The following CNTNAP2 variants were observed in gnomAD, a reference collection of about 807,000 sequenced individuals.
CNTNAP2 encodes contactin associated protein 2, also known as contactin-associated protein-like 2.
CNTNAP2 carries 98 observed loss-of-function variants against 155.2 expected under a neutral mutation model. The ratio of observed to expected loss-of-function variants is 0.63; its 90% CI spans 0.54 to 0.75. CNTNAP2 has a LOEUF of 0.75. CNTNAP2 is among the 30% of genes least tolerant of loss of function. The pLI is 0.00. For synonymous variants in CNTNAP2, 651 were observed against 631.2 expected (o/e 1.03, Z -0.47); for missense variants, 1,727 against 1,688.1 (o/e 1.02, Z -0.40).
intron 20 of CNTNAP2, among the ~76,000 whole-genome samples, chr7:148,257,577 G>T (rs967358208): frequency 6.6e-6 from 1 of 152,140 alleles, no homozygotes; most frequent in African/African-American, 2.4e-5. Flanking sequence ...AGGGATGGCC[G>T]CAGGGCTTGG....
chr7:146,919,418 G>A (rs553233430), intron 3 of CNTNAP2, among the ~76,000 whole-genome samples: 2 of 152,248 alleles, frequency 1.3e-5, no homozygotes, highest in South Asian at 4.1e-4. Flanking sequence ...TAGGGATGGG[G>A]CTTCCTGAGA....
chr7:147,642,951 A>G (rs1423339827), intron 13 of CNTNAP2, among the ~76,000 whole-genome samples: 2 of 152,136 alleles, frequency 1.3e-5, no homozygotes, highest in Admixed American at 1.3e-4. Flanking sequence ...ACCTCACCCA[A>G]CCTTGGGGCA....
In CNTNAP2 at chr7:147,507,491, G is replaced by T. The variant is rs1176301088; in HGVS notation, c.1777+21450G>T. Among the ~76,000 whole-genome samples, 3 of 148,072 alleles carry T rather than the reference G, an allele frequency of 2.0e-5. No homozygotes were observed. The East Asian group carries it at 6.1e-4, about 30-fold the overall frequency. ...TCAGTTACTTCTATATTGGCAAATT[G>T]ATGTTAACTTATATAAATGGGACAT... On this transcript the variant is annotated intron_variant, in intron 11 of 23. Transcript: ENST00000361727.
chr7:146,765,112 T>G (rs1307418774), intron 1 of CNTNAP2, among the ~76,000 whole-genome samples: 3 of 152,124 alleles, frequency 2.0e-5, no homozygotes, highest in Non-Finnish European at 2.9e-5. Context: ...TTTTTAAGAC[T>G]AAAAGTAGAT....
chr7:147,110,686 G>A (rs1467973862), intron 5 of CNTNAP2, among the ~76,000 whole-genome samples: 1 of 152,084 alleles, frequency 6.6e-6, no homozygotes, highest in Non-Finnish European at 1.5e-5. Flanking sequence ...CCATCCATGT[G>A]CCCGCAAAGG....
At chr7:147,237,087 A>G (rs1473179573) in intron 8 of CNTNAP2, among the ~76,000 whole-genome samples, 1 of 28,360 alleles carries the variant, frequency 3.5e-5, no homozygotes, top group Non-Finnish European at 8.4e-5. Context: ...TTTTTTTTTG[A>G]CAGTGTCTTG....
chr7:147,854,055 G>T (rs1798995876), intron 13 of CNTNAP2, among the ~76,000 whole-genome samples: 1 of 152,162 alleles, frequency 6.6e-6, no homozygotes, highest in African/African-American at 2.4e-5. Flanking sequence ...TAGATCAGTT[G>T]TACACACTGT....
rs139230227 is a variant in CNTNAP2 at position 146,565,420 on chromosome 7, T to A, written c.98-208851T>A. ...TTGTTAATGTTAAATAACAGATCCC[T>A]TTCCAGGGATCCTTTCCAGGGATCC... On this transcript the variant is annotated intron_variant, in intron 1 of 23. Coordinates refer to ENST00000361727, the MANE Select transcript of CNTNAP2 (RefSeq NM_014141.6). 4.6e-3 allele frequency among the ~76,000 whole-genome samples: 700 copies of A among 151,928 alleles called. 5 individuals are homozygous for A. The highest frequency in any genetic ancestry group is 0.016 in the African/African-American group (653 of 41,538).
chr7:146,612,900 A>T (rs1177063979), intron 1 of CNTNAP2, among the ~76,000 whole-genome samples: 1 of 147,640 alleles, frequency 6.8e-6, no homozygotes, highest in African/African-American at 2.5e-5. Flanking sequence ...TCTTAGGACC[A>T]CTTTGTTTCA....
At chr7:148,288,942 A>G (rs903580366) in intron 21 of CNTNAP2, among the ~76,000 whole-genome samples, 1 of 62,822 alleles carries the variant, frequency 1.6e-5, no homozygotes, top group African/African-American at 7.4e-5. Context: ...TATCTTATTC[A>G]GCAAAAAAAA....
chr7:147,178,387 A>T (rs572188747), intron 8 of CNTNAP2, among the ~76,000 whole-genome samples: 1 of 152,178 alleles, frequency 6.6e-6, no homozygotes, highest in Non-Finnish European at 1.5e-5. Context: ...AAAGGCAAGG[A>T]AACAGTTTCT....
intron 13 of CNTNAP2, among the ~76,000 whole-genome samples, chr7:147,695,447 C>A (rs1179185545): frequency 6.6e-6 from 1 of 152,148 alleles, no homozygotes; most frequent in East Asian, 1.9e-4. Context: ...AAGTTGCCAA[C>A]TATAACAGTG....
intron 8 of CNTNAP2, among the ~76,000 whole-genome samples, chr7:147,174,253 TTG>T (rs539612348): frequency 1.5e-4 from 23 of 152,270 alleles, no homozygotes; most frequent in Non-Finnish European, 3.1e-4. Context: ...ACATATGTAA[TTG>T]TCTTTTCCCA....
At chr7:147,917,668 C>T (rs1334950065) in intron 14 of CNTNAP2, among the ~76,000 whole-genome samples, 1 of 152,146 alleles carries the variant, frequency 6.6e-6, no homozygotes, top group Non-Finnish European at 1.5e-5. Flanking sequence ...ATGAATATGC[C>T]TTCCTAAAAA....
At chr7:148,155,823 C>T (rs965534513) in intron 17 of CNTNAP2, among the ~76,000 whole-genome samples, 1 of 152,180 alleles carries the variant, frequency 6.6e-6, no homozygotes. Context: ...AGTTCAGGCC[C>T]TCTTGGTCAG....
intron 1 of CNTNAP2, among the ~76,000 whole-genome samples, chr7:146,679,502 C>A (rs1314555868): frequency 6.6e-6 from 1 of 151,954 alleles, no homozygotes; most frequent in East Asian, 1.9e-4. Context: ...ATTACAGGCG[C>A]CCGCCAACAC....
intron 13 of CNTNAP2, among the ~76,000 whole-genome samples, chr7:147,892,736 G>A (rs1352204618): frequency 6.6e-6 from 1 of 152,098 alleles, no homozygotes; most frequent in Non-Finnish European, 1.5e-5. Flanking sequence ...TAAATATTAT[G>A]CAATACAATT....
chr7:146,570,357 C>T (rs1447837877), intron 1 of CNTNAP2, among the ~76,000 whole-genome samples: 1 of 152,052 alleles, frequency 6.6e-6, no homozygotes, highest in Non-Finnish European at 1.5e-5. Flanking sequence ...TATTTTGGTC[C>T]CACTATTCTA....
chr7:147,538,227 G>T (rs1799581687), intron 11 of CNTNAP2, among the ~76,000 whole-genome samples: 2 of 152,194 alleles, frequency 1.3e-5, no homozygotes, highest in Admixed American at 1.3e-4. Flanking sequence ...AATCAAATGT[G>T]GTTGTTGGTG....
Sources: gnomAD v4.1 joint callset for allele counts (sites outside exome capture counted in the v4.1 genomes callset) on GRCh38, gnomAD v4.1.1 for gene constraint, MANE v1.5 for transcripts, NCBI Gene and HGNC (gene_info 2026-07-23, HGNC 2026-07-21) for gene names.